MAPK4: variants seen among roughly 807,000 people sequenced by gnomAD.
MAPK4 encodes the protein Erk3-related.
A neutral mutation model predicts 47.7 loss-of-function variants in MAPK4; 22 were observed. That is an observed-to-expected ratio of 0.46 (90% CI 0.33 to 0.66). The LOEUF (loss-of-function observed/expected upper bound fraction) is 0.66. Ranked by LOEUF, MAPK4 falls within the 30% of genes least tolerant of loss-of-function variation. MAPK4 has a pLI of 0.02. For synonymous variants in MAPK4, 390 were observed against 365.7 expected (o/e 1.07, Z -0.76); for missense variants, 736 against 831.7 (o/e 0.88, Z 1.42).
intron 1 of MAPK4, among the ~76,000 whole-genome samples, chr18:50,631,390 T>C (rs2042828538): frequency 6.6e-6 from 1 of 152,198 alleles, no homozygotes; most frequent in African/African-American, 2.4e-5. Flanking sequence ...ATCAACAATA[T>C]TCTGGTACAT....
chr18:50,685,888 C>T lies in MAPK4; in HGVS notation c.546+21384C>T, dbSNP rs1207030477. Among the ~76,000 whole-genome samples, 7 of 150,496 alleles carry T rather than the reference C, an allele frequency of 4.7e-5. No individual in the cohort carries two copies. In the East Asian group the frequency reaches 1.2e-3, roughly 25 times the overall value. On this transcript the variant is annotated intron_variant, in intron 2 of 5. Coordinates refer to ENST00000400384, the MANE Select transcript of MAPK4 (RefSeq NM_002747.4). ...TTTTCTCGGTGGCACTGATCTGCTGCCTTCACAGAGAGTTCTGATACAATC... is the reference window on the plus strand; with the variant it reads ...TTTTCTCGGTGGCACTGATCTGCTGTCTTCACAGAGAGTTCTGATACAATC...
intron 1 of MAPK4, among the ~76,000 whole-genome samples, chr18:50,582,638 G>T (rs914479448): frequency 1.3e-5 from 2 of 152,234 alleles, no homozygotes; most frequent in African/African-American, 2.4e-5. Flanking sequence ...TGCTGCCTCT[G>T]CCTGGGGCCT....
At chr18:50,580,033 A>G (rs2042329955) in intron 1 of MAPK4, among the ~76,000 whole-genome samples, 3 of 152,180 alleles carry the variant, frequency 2.0e-5, no homozygotes, top group Admixed American at 2.0e-4. Flanking sequence ...TAATTGATAC[A>G]TCTCCAAGAA....
At chr18:50,715,029 AGGG>A in intron 2 of MAPK4, 47 bp from the exon 3 acceptor site, 2 of 1,590,060 alleles carry the variant, frequency 1.3e-6, no homozygotes, top group Non-Finnish European at 1.7e-6. Flanking sequence ...CGTGGGAGGA[AGGG>A]TATCCAAAAA....
chr18:50,691,316 A>G (rs1227023697), intron 2 of MAPK4, among the ~76,000 whole-genome samples: 2 of 152,096 alleles, frequency 1.3e-5, no homozygotes, highest in African/African-American at 4.8e-5. Flanking sequence ...TCTAAATGCA[A>G]ATCTGCCCTG....
intron 1 of MAPK4, among the ~76,000 whole-genome samples, chr18:50,583,147 C>T (rs2042360534): frequency 6.6e-6 from 1 of 152,126 alleles, no homozygotes; most frequent in Admixed American, 6.5e-5. Context: ...AAGCTCTCAA[C>T]TGAAAGAGGG....
chr18:50,681,699 A>C (rs1431868313), intron 2 of MAPK4, among the ~76,000 whole-genome samples: 1 of 152,152 alleles, frequency 6.6e-6, no homozygotes, highest in Admixed American at 6.5e-5. Context: ...ATTGTCTTGG[A>C]ATCTTTGCAA....
intron 2 of MAPK4, among the ~76,000 whole-genome samples, chr18:50,695,693 G>A (rs1225135279): frequency 2.0e-5 from 3 of 152,194 alleles, no homozygotes; most frequent in African/African-American, 7.2e-5. Context: ...TGAGAAGGCT[G>A]CATAGGATGA....
intron 2 of MAPK4, among the ~76,000 whole-genome samples, chr18:50,693,007 G>A (rs531503377): frequency 6.6e-6 from 1 of 152,286 alleles, no homozygotes; most frequent in East Asian, 1.9e-4. Context: ...TGTAATCCCA[G>A]CACTTTGGGA....
chr18:50,729,503 C>T lies in MAPK4; in HGVS notation c.1413C>T (p.Pro471=), dbSNP rs1014869983. Residue 471 remains proline (P), a synonymous_variant, in exon 6 of 6, where the codon CCC becomes CCT. Coordinates refer to ENST00000400384, the MANE Select transcript of MAPK4 (RefSeq NM_002747.4). ...GGAAGCAGGCGGCCGGCGCGCCCCC[C>T]ACGGCCACGGGGCTGGCGGACACGG... ...SHWKQAAGAP[P]TATGLADTGA... The T allele has an allele frequency of 1.4e-6, 2 of 1,455,138 alleles. No homozygotes were observed. The highest frequency in any genetic ancestry group is 2.5e-5 in the East Asian group (1 of 39,726). The allele number at this position is 1,455,138 out of a possible 1,614,324, so 90.1% of individuals were successfully genotyped here. A position where few individuals can be genotyped will look rare whatever the true frequency, so the allele number is the denominator to read the frequency against.
intron 1 of MAPK4, among the ~76,000 whole-genome samples, chr18:50,631,292 G>C (rs1319127072): frequency 6.6e-6 from 1 of 152,098 alleles, no homozygotes; most frequent in African/African-American, 2.4e-5. Flanking sequence ...TAAGCCCAGG[G>C]AGGCTGTGAT....
intron 2 of MAPK4, among the ~76,000 whole-genome samples, chr18:50,689,477 C>A (rs1268633721): frequency 6.6e-6 from 1 of 151,442 alleles, no homozygotes; most frequent in Non-Finnish European, 1.5e-5. Flanking sequence ...GGTGTTCCAC[C>A]TTTGAGGAGA....
At chr18:50,578,725 C>T (rs2042318637) in intron 1 of MAPK4, among the ~76,000 whole-genome samples, 1 of 152,152 alleles carries the variant, frequency 6.6e-6, no homozygotes, top group African/African-American at 2.4e-5. Context: ...GCCGTTACTA[C>T]ATGAAGTGGT....
chr18:50,571,829 C>T (rs987406999), intron 1 of MAPK4, among the ~76,000 whole-genome samples: 1 of 152,182 alleles, frequency 6.6e-6, no homozygotes, highest in South Asian at 2.1e-4. Flanking sequence ...CTGTACTTAT[C>T]AGAGACCATG....
intron 1 of MAPK4, among the ~76,000 whole-genome samples, chr18:50,658,288 G>A (rs553430607): frequency 6.6e-6 from 1 of 152,116 alleles, no homozygotes; most frequent in East Asian, 1.9e-4. Flanking sequence ...TCCCTCACTG[G>A]GCCTGAAAAC....
intron 1 of MAPK4, among the ~76,000 whole-genome samples, chr18:50,613,212 T>A (rs2042655296): frequency 6.6e-6 from 1 of 152,138 alleles, no homozygotes; most frequent in African/African-American, 2.4e-5. Context: ...CCTATGATCA[T>A]GTTATGTTAT....
intron 1 of MAPK4, among the ~76,000 whole-genome samples, chr18:50,661,564 T>C (rs1414020591): frequency 6.6e-6 from 1 of 152,222 alleles, no homozygotes; most frequent in Non-Finnish European, 1.5e-5. Context: ...GGAAGTGCTG[T>C]TGGCATTCAG....
intron 1 of MAPK4, among the ~76,000 whole-genome samples, chr18:50,627,442 G>T (rs1288830670): frequency 6.6e-6 from 1 of 152,210 alleles, no homozygotes; most frequent in Non-Finnish European, 1.5e-5. Flanking sequence ...ACCAGCTTCA[G>T]GGGTGGCCCG....
At chr18:50,720,495 A>C (rs1910877749) in intron 3 of MAPK4, among the ~76,000 whole-genome samples, 1 of 151,994 alleles carries the variant, frequency 6.6e-6, no homozygotes, top group African/African-American at 2.4e-5. Context: ...GGGAGGCCCC[A>C]CTGGCTGCCT....
Sources: gnomAD v4.1 joint callset for allele counts (sites outside exome capture counted in the v4.1 genomes callset) on GRCh38, gnomAD v4.1.1 for gene constraint, MANE v1.5 for transcripts, NCBI Gene and HGNC (gene_info 2026-07-23, HGNC 2026-07-21) for gene names.